Variants in CCDC91 observed in about 807,000 individuals in gnomAD.
CCDC91 encodes the protein coiled-coil domain containing 91.
In CCDC91, 48 loss-of-function variants were observed where a neutral mutation model predicts 63.2. That is an observed-to-expected ratio of 0.76 (90% CI 0.60 to 0.97). The LOEUF (loss-of-function observed/expected upper bound fraction) is 0.97. Ranked by LOEUF, CCDC91 falls within the 50% of genes least tolerant of loss-of-function variation. CCDC91 has a pLI of 0.00. For missense variants in CCDC91, 500 were observed against 494.6 expected (o/e 1.01, Z -0.10); for synonymous variants, 167 against 165.8 (o/e 1.01, Z -0.06).
intron 10 of CCDC91, 128 bp downstream of exon 10, chr12:28,450,546 A>C: frequency 1.5e-6 from 1 of 653,838 alleles, no homozygotes; most frequent in South Asian, 2.0e-5. Context: ...TCTTTTATTT[A>C]CTTTTAAACT....
intron 3 of CCDC91, among the ~76,000 whole-genome samples, chr12:28,297,456 C>T (rs536912616): frequency 1.3e-5 from 2 of 151,920 alleles, no homozygotes; most frequent in East Asian, 1.9e-4. Flanking sequence ...GAAGAACTGC[C>T]ATTCATTGCA....
chr12:28,259,887 T>G (rs1946716536), intron 3 of CCDC91, among the ~76,000 whole-genome samples: 1 of 151,976 alleles, frequency 6.6e-6, no homozygotes. Flanking sequence ...AATACAAAAA[T>G]AAATCCATTA....
At chr12:28,347,973 A>G (rs1942927965) in intron 6 of CCDC91, among the ~76,000 whole-genome samples, 2 of 152,182 alleles carry the variant, frequency 1.3e-5, no homozygotes, top group Admixed American at 6.5e-5. Context: ...TAAGCCAACC[A>G]TTCATGCCTT....
intron 7 of CCDC91, among the ~76,000 whole-genome samples, chr12:28,373,522 T>C (rs1944752501): frequency 6.6e-6 from 1 of 152,228 alleles, no homozygotes; most frequent in African/African-American, 2.4e-5. Context: ...CCTTTCTCTG[T>C]TCTTCAGATT....
At chr12:28,327,694 G>C (rs543292951) in intron 6 of CCDC91, among the ~76,000 whole-genome samples, 1 of 152,030 alleles carries the variant, frequency 6.6e-6, no homozygotes, top group Non-Finnish European at 1.5e-5. Context: ...GATTCCCTTG[G>C]CGTGAAACAA....
At chr12:28,493,282 T>C (rs1234821290) in intron 12 of CCDC91, among the ~76,000 whole-genome samples, 1 of 151,786 alleles carries the variant, frequency 6.6e-6, no homozygotes, top group African/African-American at 2.4e-5. Context: ...TTGTAGGATC[T>C]ACCTTGGTAA....
chr12:28,237,180 T>C (rs1945007053), intron 1 of CCDC91, among the ~76,000 whole-genome samples: 1 of 151,700 alleles, frequency 6.6e-6, no homozygotes, highest in South Asian at 2.1e-4. Context: ...CTAATAGTTA[T>C]GTTTAATTTC....
intron 8 of CCDC91, among the ~76,000 whole-genome samples, chr12:28,445,064 T>A (rs936229194): frequency 1.3e-5 from 2 of 152,202 alleles, no homozygotes; most frequent in African/African-American, 2.4e-5. Context: ...TTAGTCTTAG[T>A]TATATATCAG....
At chr12:28,409,207 G>A (rs2141204) in intron 8 of CCDC91, among the ~76,000 whole-genome samples, 6 of 151,970 alleles carry the variant, frequency 3.9e-5, no homozygotes, top group Non-Finnish European at 8.8e-5. Context: ...CATTATTTTA[G>A]CTGTACCTGT....
chr12:28,403,794 A>T (rs1160155977), intron 8 of CCDC91, among the ~76,000 whole-genome samples: 1 of 152,190 alleles, frequency 6.6e-6, no homozygotes, highest in Non-Finnish European at 1.5e-5. Flanking sequence ...AATGGAAGTT[A>T]TCAAATTTGT....
chr12:28,204,775 G>A (rs1353957792), intron 1 of CCDC91, among the ~76,000 whole-genome samples: 3 of 152,220 alleles, frequency 2.0e-5, no homozygotes, highest in Non-Finnish European at 4.4e-5. Flanking sequence ...TCAAGGTGAA[G>A]AGAGTGGGTT....
chr12:28,540,477 C>A (rs1327944346), intron 12 of CCDC91, among the ~76,000 whole-genome samples: 1 of 152,134 alleles, frequency 6.6e-6, no homozygotes, highest in Non-Finnish European at 1.5e-5. Flanking sequence ...TACAGCAAAA[C>A]AGATATTGTG....
At chr12:28,427,634 G>A (rs1948397783) in intron 8 of CCDC91, among the ~76,000 whole-genome samples, 1 of 152,056 alleles carries the variant, frequency 6.6e-6, no homozygotes. Flanking sequence ...AGCAACTTCT[G>A]CTGTGGATAA....
intron 12 of CCDC91, among the ~76,000 whole-genome samples, chr12:28,494,818 A>G (rs1164421654): frequency 6.6e-6 from 1 of 151,758 alleles, no homozygotes; most frequent in Non-Finnish European, 1.5e-5. Context: ...TAAGAGCTCT[A>G]GATGTACATT....
intron 11 of CCDC91, among the ~76,000 whole-genome samples, chr12:28,471,730 G>A (rs1592766938): frequency 6.6e-6 from 1 of 151,788 alleles, no homozygotes; most frequent in East Asian, 1.9e-4. Flanking sequence ...TATAGCTGAA[G>A]TGACATTGTT....
chr12:28,300,285 C>T (rs1021337325), intron 3 of CCDC91, among the ~76,000 whole-genome samples: 3 of 151,432 alleles, frequency 2.0e-5, no homozygotes, highest in Admixed American at 2.0e-4. Flanking sequence ...ATACTTTTTT[C>T]CAAACAACTA....
intron 11 of CCDC91, among the ~76,000 whole-genome samples, chr12:28,475,223 T>G (rs1263997836): frequency 6.6e-6 from 1 of 152,052 alleles, no homozygotes; most frequent in African/African-American, 2.4e-5. Flanking sequence ...CTTACTGCCT[T>G]CCTTCATTTT....
intron 3 of CCDC91, among the ~76,000 whole-genome samples, chr12:28,282,280 T>C (rs916078010): frequency 1.3e-5 from 2 of 152,164 alleles, no homozygotes; most frequent in Non-Finnish European, 2.9e-5. Context: ...ATAATGATGC[T>C]ATTTATTATA....
chr12:28,301,108 T>C (rs1938024666), intron 3 of CCDC91, among the ~76,000 whole-genome samples: 1 of 151,678 alleles, frequency 6.6e-6, no homozygotes, highest in Admixed American at 6.6e-5. Context: ...TAGTACAATG[T>C]TTAAAGATAG....
Sources: allele counts gnomAD v4.1 joint callset (sites outside exome capture counted in the v4.1 genomes callset), GRCh38; gene constraint gnomAD v4.1.1; transcripts MANE v1.5; gene names NCBI Gene and HGNC (gene_info 2026-07-23, HGNC 2026-07-21).